The following CSMD1 variants were observed in gnomAD, a reference collection of about 807,000 sequenced individuals.
CSMD1 encodes CUB and sushi domain-containing protein 1.
A neutral mutation model predicts 417.5 loss-of-function variants in CSMD1; 213 were observed. That is an observed-to-expected ratio of 0.51 (90% CI 0.46 to 0.57). The LOEUF is 0.57. Ranked by LOEUF, CSMD1 falls within the 20% of genes least tolerant of loss-of-function variation. CSMD1 has a pLI of 0.00. For synonymous variants in CSMD1, 2,862 were observed against 1,736.8 expected (o/e 1.65, Z -16.11); for missense variants, 6,923 against 4,529.7 (o/e 1.53, Z -15.17).
intron 18 of CSMD1, among the ~76,000 whole-genome samples, chr8:3,377,236 T>C (rs1810367620): frequency 6.6e-6 from 1 of 152,172 alleles, no homozygotes; most frequent in South Asian, 2.1e-4. Context: ...GGCCTCGAAC[T>C]CCTGGGCCTC....
At chr8:4,162,743 G>T (rs1333232495) in intron 3 of CSMD1, among the ~76,000 whole-genome samples, 6 of 152,056 alleles carry the variant, frequency 3.9e-5, no homozygotes, top group African/African-American at 1.2e-4. Flanking sequence ...ACTTACATTG[G>T]TAAGTCATTA....
intron 5 of CSMD1, among the ~76,000 whole-genome samples, chr8:3,951,118 T>C (rs982724702): frequency 6.6e-6 from 1 of 152,216 alleles, no homozygotes; most frequent in Admixed American, 6.5e-5. Context: ...TCTACATTTA[T>C]AGGCAGGAGA....
At chr8:3,665,229 A>G (rs964572437) in intron 7 of CSMD1, among the ~76,000 whole-genome samples, 1 of 152,180 alleles carries the variant, frequency 6.6e-6, no homozygotes, top group African/African-American at 2.4e-5. Flanking sequence ...TAAATAAAAT[A>G]TAATTTGTCA....
chr8:3,783,805 T>C (rs1225532281), intron 5 of CSMD1, among the ~76,000 whole-genome samples: 2 of 152,210 alleles, frequency 1.3e-5, no homozygotes, highest in Non-Finnish European at 2.9e-5. Flanking sequence ...GGCTTCCATA[T>C]TGTAGGACAG....
intron 3 of CSMD1, among the ~76,000 whole-genome samples, chr8:4,094,461 A>T (rs11787062): frequency 0.35 from 53,759 of 151,862 alleles, 10,284 homozygotes; most frequent in Non-Finnish European, 0.42. Flanking sequence ...TAGAGGGAGG[A>T]ATCGAAGATG....
intron 5 of CSMD1, among the ~76,000 whole-genome samples, chr8:3,923,244 T>TC (rs1809403975): frequency 6.6e-6 from 1 of 152,144 alleles, no homozygotes; most frequent in African/African-American, 2.4e-5. Context: ...TGGTGAATCT[T>TC]CCAGAGTCTG....
At chr8:3,588,767 G>C (rs1175981793) in intron 8 of CSMD1, among the ~76,000 whole-genome samples, 1 of 152,020 alleles carries the variant, frequency 6.6e-6, no homozygotes, top group African/African-American at 2.4e-5. Context: ...CACAGTAAAG[G>C]AAACAACAAA....
At chr8:4,063,388 A>G (rs1159662543) in intron 3 of CSMD1, among the ~76,000 whole-genome samples, 1 of 152,190 alleles carries the variant, frequency 6.6e-6, no homozygotes, top group Admixed American at 6.5e-5. Flanking sequence ...AGACAAGTAA[A>G]CTATATAGAT....
rs908368106 is a variant in CSMD1 at position 4,372,259 on chromosome 8, G to A, written c.415+47694C>T. 5.9e-5 allele frequency among the ~76,000 whole-genome samples: 9 copies of A among 152,230 alleles called. No individual in the cohort carries two copies. The East Asian group carries it at 7.7e-4, about 13-fold the overall frequency. ...TTTATATGAAGTAAAGATACATAAC[G>A]TCGGCTCTCCATTTCATTTTATTAA... On this transcript the variant is annotated intron_variant, in intron 3 of 69. Coordinates refer to ENST00000635120, the MANE Select transcript of CSMD1 (RefSeq NM_033225.6).
chr8:3,126,348 C>T (rs533958179), intron 41 of CSMD1, among the ~76,000 whole-genome samples: 1 of 152,308 alleles, frequency 6.6e-6, no homozygotes, highest in African/African-American at 2.4e-5. Flanking sequence ...CGAGCAACTG[C>T]TCTGATGGAG....
At chr8:4,913,836 C>T (rs1319392270) in intron 1 of CSMD1, among the ~76,000 whole-genome samples, 1 of 152,230 alleles carries the variant, frequency 6.6e-6, no homozygotes, top group East Asian at 1.9e-4. Context: ...ACCAGAAGAG[C>T]TTCTCCAGCC....
intron 8 of CSMD1, among the ~76,000 whole-genome samples, chr8:3,602,837 G>A (rs907624103): frequency 2.0e-5 from 3 of 151,830 alleles, no homozygotes; most frequent in Non-Finnish European, 4.4e-5. Context: ...GACAAACTGG[G>A]CTTTTGTTGA....
At chr8:4,297,136 A>T (rs1797730251) in intron 3 of CSMD1, among the ~76,000 whole-genome samples, 1 of 152,152 alleles carries the variant, frequency 6.6e-6, no homozygotes, top group Admixed American at 6.6e-5. Context: ...CTTAATTGGC[A>T]TAAAAATATA....
At chr8:4,316,359 T>C (rs1435323119) in intron 3 of CSMD1, among the ~76,000 whole-genome samples, 2 of 152,128 alleles carry the variant, frequency 1.3e-5, no homozygotes, top group Admixed American at 6.6e-5. Context: ...GTTATGGTCT[T>C]ATACTCTGGG....
chr8:4,466,576 G>C (rs1003199062), intron 2 of CSMD1, among the ~76,000 whole-genome samples: 4 of 152,142 alleles, frequency 2.6e-5, no homozygotes, highest in African/African-American at 9.7e-5. Flanking sequence ...AATGCCAACA[G>C]TGTCACAAAG....
chr8:3,247,103 C>T (rs897611825), intron 26 of CSMD1, among the ~76,000 whole-genome samples: 4 of 152,154 alleles, frequency 2.6e-5, no homozygotes, highest in Non-Finnish European at 4.4e-5. Flanking sequence ...TGAGAAGCTG[C>T]CTGGGTGAGG....
At chr8:3,705,640 C>T (rs1249547590) in intron 7 of CSMD1, among the ~76,000 whole-genome samples, 1 of 152,238 alleles carries the variant, frequency 6.6e-6, no homozygotes, top group Non-Finnish European at 1.5e-5. Context: ...CTAACAGTGC[C>T]TGCAGACCCT....
intron 11 of CSMD1, among the ~76,000 whole-genome samples, chr8:3,485,087 A>T (rs902198410): frequency 6.6e-5 from 10 of 152,214 alleles, no homozygotes; most frequent in South Asian, 2.1e-4. Flanking sequence ...ATAAAAACTC[A>T]TGTTTACATA....
intron 5 of CSMD1, among the ~76,000 whole-genome samples, chr8:3,986,657 T>A (rs528671754): frequency 2.0e-5 from 3 of 152,088 alleles, no homozygotes; most frequent in Non-Finnish European, 4.4e-5. Flanking sequence ...CCTTATACCA[T>A]GAGATATGAG....
Sources: allele counts gnomAD v4.1 joint callset (sites outside exome capture counted in the v4.1 genomes callset), GRCh38; gene constraint gnomAD v4.1.1; transcripts MANE v1.5; gene names NCBI Gene and HGNC (gene_info 2026-07-23, HGNC 2026-07-21).